The following MALRD1 variants were observed in gnomAD, a reference collection of about 807,000 sequenced individuals.
MALRD1 encodes the protein MAM and LDL receptor class A domain containing 1.
A neutral mutation model predicts 242.1 loss-of-function variants in MALRD1; 247 were observed. The observed-to-expected ratio is 1.02, with a 90% CI of 0.92 to 1.13. MALRD1 has a LOEUF of 1.13. MALRD1 is among the 50% of genes most tolerant of loss of function. MALRD1 has a pLI of 0.00. For missense variants in MALRD1, 2,989 were observed against 2,533.1 expected (o/e 1.18, Z -3.86); for synonymous variants, 995 against 866.6 (o/e 1.15, Z -2.60).
At chr10:19,724,959 G>A (rs922681648) in intron 38 of MALRD1, 2 of 152,112 alleles carry the variant, frequency 1.3e-5, no homozygotes, top group East Asian at 3.9e-4. Flanking sequence ...GAATCTTGAA[G>A]GCAATTCTGT....
chr10:19,453,037 C>G (rs762244853), intron 29 of MALRD1, among the ~76,000 whole-genome samples: 26 of 152,016 alleles, frequency 1.7e-4, no homozygotes, highest in Non-Finnish European at 2.9e-4. Flanking sequence ...ACAGTCTTGG[C>G]ACATAGAAAA....
intron 38 of MALRD1, chr10:19,716,859 A>T (rs1474138230): frequency 6.6e-6 from 1 of 152,204 alleles, no homozygotes; most frequent in Non-Finnish European, 1.5e-5. Context: ...TCAGTGATTT[A>T]TGCAGTATGT....
intron 1 of MALRD1, among the ~76,000 whole-genome samples, chr10:19,058,977 C>T (rs1834744754): frequency 6.6e-6 from 1 of 151,948 alleles, no homozygotes; most frequent in South Asian, 2.1e-4. Flanking sequence ...GTGTTCATGC[C>T]CTCTAACTGG....
At chr10:19,539,677 CTTTG>C (rs891835148) in intron 32 of MALRD1, among the ~76,000 whole-genome samples, 1 of 151,818 alleles carries the variant, frequency 6.6e-6, no homozygotes, top group African/African-American at 2.4e-5. Flanking sequence ...TGTTCTGCTG[CTTTG>C]TTTTTTTATT....
chr10:19,370,954 G>GT (rs1357517333), intron 26 of MALRD1, among the ~76,000 whole-genome samples: 1 of 151,194 alleles, frequency 6.6e-6, no homozygotes, highest in Non-Finnish European at 1.5e-5. Flanking sequence ...TTTTAAAAAA[G>GT]TGTTTTTCTT....
chr10:19,354,116 G>C (rs1844519204), intron 26 of MALRD1, among the ~76,000 whole-genome samples: 1 of 152,044 alleles, frequency 6.6e-6, no homozygotes, highest in African/African-American at 2.4e-5. Context: ...AACCAATCTT[G>C]TTGGGGATTT....
At chr10:19,590,210 T>A (rs566020685) in intron 33 of MALRD1, among the ~76,000 whole-genome samples, 2 of 150,908 alleles carry the variant, frequency 1.3e-5, no homozygotes, top group Admixed American at 1.3e-4. Context: ...AAACATGAGG[T>A]GTTGGTTACA....
At chr10:19,112,247 G>A (rs140221706) in intron 5 of MALRD1, among the ~76,000 whole-genome samples, 44 of 149,942 alleles carry the variant, frequency 2.9e-4, no homozygotes, top group African/African-American at 1.1e-3. Flanking sequence ...GCTGATGATT[G>A]TACTTGGGGC....
At chr10:19,545,009 T>C (rs570552951) in intron 32 of MALRD1, among the ~76,000 whole-genome samples, 3 of 152,330 alleles carry the variant, frequency 2.0e-5, no homozygotes, top group African/African-American at 7.2e-5. Context: ...GCTTCAACAA[T>C]AGAAATGTAT....
At chr10:19,103,388 T>A (rs370480131) in intron 4 of MALRD1, among the ~76,000 whole-genome samples, 6 of 151,284 alleles carry the variant, frequency 4.0e-5, no homozygotes, top group Non-Finnish European at 5.9e-5. Flanking sequence ...GGTGAAACCC[T>A]GTCTCTACTA....
At chr10:19,495,340 G>A (rs1409337219) in intron 30 of MALRD1, among the ~76,000 whole-genome samples, 1 of 151,516 alleles carries the variant, frequency 6.6e-6, no homozygotes, top group Non-Finnish European at 1.5e-5. Context: ...TAAAAAGGAA[G>A]GACAGGTCAC....
chr10:19,640,257 T>A (rs563452962), intron 36 of MALRD1, among the ~76,000 whole-genome samples: 1 of 152,202 alleles, frequency 6.6e-6, no homozygotes, highest in East Asian at 1.9e-4. Flanking sequence ...ACCCAGCTAA[T>A]TTTTGTATTT....
intron 36 of MALRD1, among the ~76,000 whole-genome samples, chr10:19,672,437 G>A (rs1038045605): frequency 5.8e-5 from 4 of 69,004 alleles, no homozygotes; most frequent in Admixed American, 4.6e-4. Flanking sequence ...TTTGTATTTT[G>A]TTTTTTGAGG....
At chr10:19,273,232 A>C (rs1330307132) in intron 19 of MALRD1, among the ~76,000 whole-genome samples, 1 of 152,214 alleles carries the variant, frequency 6.6e-6, no homozygotes, top group Non-Finnish European at 1.5e-5. Flanking sequence ...ATACAAATTA[A>C]AATGTCAAAT....
intron 4 of MALRD1, among the ~76,000 whole-genome samples, chr10:19,096,925 A>T (rs548522177): frequency 2.6e-5 from 4 of 152,314 alleles, no homozygotes; most frequent in Non-Finnish European, 5.9e-5. Context: ...GTGAAGGACT[A>T]GGTCTCTCCT....
At chr10:19,272,271 T>A (rs1319254932) in intron 19 of MALRD1, among the ~76,000 whole-genome samples, 2 of 151,752 alleles carry the variant, frequency 1.3e-5, no homozygotes, top group Admixed American at 6.6e-5. Flanking sequence ...GTCATTAAAT[T>A]TTTTTTTATT....
chr10:19,591,388 T>A (rs1837774213), intron 33 of MALRD1, among the ~76,000 whole-genome samples: 1 of 152,222 alleles, frequency 6.6e-6, no homozygotes, highest in Non-Finnish European at 1.5e-5. Flanking sequence ...GATCCTCCTA[T>A]GATAATTAGG....
intron 36 of MALRD1, among the ~76,000 whole-genome samples, chr10:19,663,831 G>C (rs776360626): frequency 6.6e-6 from 1 of 152,070 alleles, no homozygotes; most frequent in Non-Finnish European, 1.5e-5. Flanking sequence ...TGGACAACAG[G>C]TGGATATGGT....
chr10:19,445,796 G>A (rs528681939), intron 28 of MALRD1, among the ~76,000 whole-genome samples: 2 of 152,204 alleles, frequency 1.3e-5, no homozygotes, highest in African/African-American at 4.8e-5. Context: ...CAAACTCCGT[G>A]CTGGGAGAAC....
Sources: allele counts gnomAD v4.1 joint callset (sites outside exome capture counted in the v4.1 genomes callset), GRCh38; gene constraint gnomAD v4.1.1; transcripts MANE v1.5; gene names NCBI Gene and HGNC (gene_info 2026-07-23, HGNC 2026-07-21).